Variants in TAPBP observed in about 807,000 individuals in gnomAD.
TAPBP encodes the protein TAP binding protein, also known as tapasin.
TAPBP carries 38 observed loss-of-function variants against 45.7 expected under a neutral mutation model. That is an observed-to-expected ratio of 0.83 (90% confidence interval 0.64 to 1.09). TAPBP has a LOEUF of 1.09. TAPBP is among the 50% of genes least tolerant of loss of function. The pLI is 0.00. For synonymous variants in TAPBP, 226 were observed against 254.8 expected, an observed-to-expected ratio of 0.89 and a Z score of 1.08; for missense variants, 513 against 587.3, an observed-to-expected ratio of 0.87 and a Z score of 1.31.
chr6:33,312,189 C>T (rs1769397598), intron 3 of TAPBP, among the ~76,000 whole-genome samples: 1 of 152,172 alleles, frequency 6.6e-6, no homozygotes, highest in Non-Finnish European at 1.5e-5. Context: ...GAGCTACTGT[C>T]TACACAAGAG....
In TAPBP at chr6:33,304,202, G is replaced by C; in HGVS notation, c.1226C>G (p.Ser409Cys). 1 of 1,613,676 alleles carries C rather than the reference G, an allele frequency of 6.2e-7. No homozygotes were observed. The highest frequency in any genetic ancestry group is 2.2e-5 in the East Asian group (1 of 44,846). Residue 409 changes from serine to cysteine, a missense_variant, in exon 6 of 8, where the codon TCC becomes TGC. Ser to Cys is a moderately radical substitution (Grantham distance 112). Transcript: ENST00000434618. ...GAAAAGGCCTACGCTGTCCTCAAGG[G>C]AGGGCCCTGAAAGACCTGGCAGGCA... is the stretch of plus-strand genomic sequence containing the variant. ...TLEVAGLSGP[S>C]LEDSVGLFLS...
chr6:33,313,048 A>T lies in TAPBP; in HGVS notation c.469+169T>A. ...TTTTTTTTAACTGGGTGAGGGCTAG[A>T]AGGAGCGGTAGAGATTGATTCATTC... is the stretch of plus-strand genomic sequence containing the variant. On this transcript the variant is annotated intron_variant, in intron 3 of 7. Transcript: ENST00000434618. The surrounding 1 kb of genome is among the most constrained non-coding windows in gnomAD (Gnocchi z 7.2). 2 of 642,646 alleles carry T rather than the reference A, an allele frequency of 3.1e-6. No homozygotes were observed. Among genetic ancestry groups the T allele is most frequent in the Middle Eastern group, 2.8e-4 (1 of 3,606 alleles). 39.8% of individuals were successfully genotyped at this position (642,646 alleles called of 1,614,324 possible). A position where few individuals can be genotyped will look rare whatever the true frequency, so the allele number is the denominator to read the frequency against.
In TAPBP at chr6:33,303,940, G is replaced by C; in HGVS notation, c.1335+15C>G. ...AAGTGACAAGGGAAAGATACAGAGA[G>C]GTGGAGCACTGTACCTTCTTTGAAT... On this transcript the variant is annotated intron_variant, in intron 7 of 7. Transcript: ENST00000434618. 1.2e-6 allele frequency: 2 copies of C among 1,613,974 alleles called. No individual in the cohort carries two copies. Among genetic ancestry groups the C allele is most frequent in the Non-Finnish European group, 1.7e-6 (2 of 1,179,960 alleles).
chr6:33,302,676 C>G (rs1439055629), intron 7 of TAPBP, among the ~76,000 whole-genome samples: 1 of 148,416 alleles, frequency 6.7e-6, no homozygotes, highest in Non-Finnish European at 1.5e-5. Flanking sequence ...ACGAAGTTTT[C>G]CTTTTGTCAC....
In TAPBP at chr6:33,313,783, T is replaced by C. The variant is rs1360562842; in HGVS notation, c.119A>G (p.Lys40Arg). 1 of 1,613,786 alleles carries C rather than the reference T, an allele frequency of 6.2e-7. No individual in the cohort carries two copies. Among genetic ancestry groups the C allele is most frequent in the South Asian group, 1.1e-5 (1 of 91,076 alleles). ...GCGCAACAGCAGTGCACCGGGTCTCTTGGCCAGGCCCTTTCCGCTCGCATC... is the reference window on the plus strand; with the variant it reads ...GCGCAACAGCAGTGCACCGGGTCTCCTGGCCAGGCCCTTTCCGCTCGCATC... ...VEDASGKGLAKRPGALLLRQG... is the reference protein window; with the variant it reads ...VEDASGKGLARRPGALLLRQG... Residue 40 changes from lysine to arginine, a missense_variant, in exon 2 of 8, where the codon AAG (lysine) becomes AGG (arginine). Transcript: ENST00000434618. The surrounding 1 kb of genome is among the most constrained non-coding windows in gnomAD (Gnocchi z 7.2).
At chr6:33,306,556 T>C (rs1254921221) in intron 3 of TAPBP, among the ~76,000 whole-genome samples, 1 of 152,232 alleles carries the variant, frequency 6.6e-6, no homozygotes, top group Non-Finnish European at 1.5e-5. Context: ...CTCATCAATG[T>C]ACGTTTAGAC....
rs1029664811 is a variant in TAPBP, at chr6:33,300,291, C to T, written c.*1469G>A. 6.5e-6 allele frequency: 1 copy of T among 153,768 alleles called. No individual in the cohort carries two copies. Among genetic ancestry groups the T allele is most frequent in the African/African-American group, 2.4e-5 (1 of 41,442 alleles). The allele number at this position is 153,768 out of a possible 1,614,324, so 9.5% of individuals were successfully genotyped here. ...TAGAGTACGGGTTCTCCAAATGTAA[C>T]CTCGGCCCTACAGATCTCTGAGACT... On this transcript the variant is annotated 3_prime_UTR_variant, in exon 8 of 8. Transcript: ENST00000434618.
chr6:33,304,627 CTT>C lies in TAPBP; in HGVS notation c.878_879del (p.Lys293SerfsTer81). 6.4e-7 allele frequency: 1 copy of C among 1,573,834 alleles called. No individual in the cohort carries two copies. The highest frequency in any genetic ancestry group is 8.6e-7 in the Non-Finnish European group (1 of 1,164,222). On this transcript the variant is annotated frameshift_variant, in exon 5 of 8. Coordinates refer to ENST00000434618, the MANE Select transcript of TAPBP (RefSeq NM_003190.5). LOFTEE classifies it high-confidence loss of function. ...GCAAGGGTTGCTGGCATCAGGGACA[CTT>C]TGGGGGGTTCTGGGGAAAGAGGACG... ...TLELAVYKPP[K>X]VSLMPATLAR...
chr6:33,307,240 A>G (rs1227414720), intron 3 of TAPBP, among the ~76,000 whole-genome samples: 1 of 152,064 alleles, frequency 6.6e-6, no homozygotes, highest in African/African-American at 2.4e-5. Context: ...GTAAGCTGAA[A>G]TCATGCCACT....
In TAPBP at chr6:33,305,174, A is replaced by C; in HGVS notation, c.683T>G (p.Met228Arg). 6.2e-7 allele frequency: 1 copy of C among 1,614,204 alleles called. No individual in the cohort carries two copies. The highest frequency in any genetic ancestry group is 8.5e-7 in the Non-Finnish European group (1 of 1,180,044). ...CACGGCCCCTTCTTGGGCTGCTGGC[A>C]TCTGGCCATTCAGCCCAGGAGTTGC... The part of the protein sequence containing the change: ...LAATPGLNGQ[M>R]PAAQEGAVAF... Residue 228 changes from methionine to arginine, a missense_variant, in exon 4 of 8, where the codon ATG (methionine) becomes AGG (arginine). Coordinates refer to ENST00000434618, the MANE Select transcript of TAPBP (RefSeq NM_003190.5). This position sits in a 1 kb window ranked among gnomAD's most constrained non-coding sequence, Gnocchi z 4.4.
At chr6:33,312,848 C>T (rs1271344349) in intron 3 of TAPBP, among the ~76,000 whole-genome samples, 1 of 152,034 alleles carries the variant, frequency 6.6e-6, no homozygotes, top group Non-Finnish European at 1.5e-5. Flanking sequence ...AGAGAAAAAA[C>T]GCTCCTGCTT....
rs1474545312 is a variant in TAPBP at position 33,304,286 on chromosome 6, C to T, written c.1210+11G>A. ...TGCTGGCTCAGATTCCGCAGAGCTCCCAGCTCTTACCTGCTACCTCCAGGG... is the reference window on the plus strand; with the variant it reads ...TGCTGGCTCAGATTCCGCAGAGCTCTCAGCTCTTACCTGCTACCTCCAGGG... On this transcript the variant is annotated intron_variant, in intron 5 of 7. Transcript: ENST00000434618. 3.4e-5 allele frequency: 54 copies of T among 1,600,748 alleles called. No individual in the cohort carries two copies. Among genetic ancestry groups the T allele is most frequent in the Non-Finnish European group, 4.4e-5 (52 of 1,171,956 alleles).
In TAPBP at chr6:33,313,084, A is replaced by G. The variant is rs1479863048; in HGVS notation, c.469+133T>C. On this transcript the variant is annotated intron_variant, in intron 3 of 7. Coordinates refer to ENST00000434618, the MANE Select transcript of TAPBP (RefSeq NM_003190.5). This position sits in a 1 kb window ranked among gnomAD's most constrained non-coding sequence, Gnocchi z 7.2. ...GAGATTGATTCATTCTAGCCAAACC[A>G]CCTCTCTTAACAAAAAAAGGAAACT... 1 of 1,023,218 alleles carries G rather than the reference A, an allele frequency of 9.8e-7. No individual in the cohort carries two copies. The allele number at this position is 1,023,218 out of a possible 1,614,324, so 63.4% of individuals were successfully genotyped here.
chr6:33,309,909 A>G (rs1389360571), intron 3 of TAPBP, among the ~76,000 whole-genome samples: 1 of 151,774 alleles, frequency 6.6e-6, no homozygotes, highest in Non-Finnish European at 1.5e-5. Context: ...TTTTTAGTAC[A>G]GACGGGGTTT....
chr6:33,304,832 C>A lies in TAPBP; in HGVS notation c.868+157G>T, dbSNP rs953898795. ...CAAAGCCCCTCAAATTTCCAGGAAA[C>A]TTCTAGCCTCCCATTACCCCTCTAA... On this transcript the variant is annotated intron_variant, in intron 4 of 7. Coordinates refer to ENST00000434618, the MANE Select transcript of TAPBP (RefSeq NM_003190.5). 4.6e-5 allele frequency: 62 copies of A among 1,339,776 alleles called. No homozygotes were observed. In the Admixed American group the frequency reaches 1.4e-3, roughly 30 times the overall value. 83.0% of individuals were successfully genotyped at this position (1,339,776 alleles called of 1,614,324 possible). A position where few individuals can be genotyped will look rare whatever the true frequency, so the allele number is the denominator to read the frequency against.
Position 33,301,400 on chromosome 6 carries a change from C to T in TAPBP, c.*360G>A, listed in dbSNP as rs1768571047. On this transcript the variant is annotated 3_prime_UTR_variant, in exon 8 of 8. Coordinates refer to ENST00000434618, the MANE Select transcript of TAPBP (RefSeq NM_003190.5). ...ACCAGCCTGGCCAACATGGTGAAAC[C>T]CCGTCTCTACTAAAAATACAAAAAT... 1 of 234,332 alleles carries T rather than the reference C, an allele frequency of 4.3e-6. No individual in the cohort carries two copies. The highest frequency in any genetic ancestry group is 2.3e-5 in the African/African-American group (1 of 43,506). The allele number at this position is 234,332 out of a possible 1,614,324, so 14.5% of individuals were successfully genotyped here. A position where few individuals can be genotyped will look rare whatever the true frequency, so the allele number is the denominator to read the frequency against.
intron 7 of TAPBP, 33 bp from the exon 8 acceptor site, chr6:33,301,804 A>AT: frequency 6.2e-7 from 1 of 1,614,092 alleles, no homozygotes; most frequent in Non-Finnish European, 8.5e-7. Flanking sequence ...GGAATTCAGG[A>AT]TATTAAAAGG....
At chr6:33,302,086 A>T (rs949589806) in intron 7 of TAPBP, among the ~76,000 whole-genome samples, 1 of 151,820 alleles carries the variant, frequency 6.6e-6, no homozygotes, top group Non-Finnish European at 1.5e-5. Flanking sequence ...TTTAAAATAA[A>T]CACCTGTGTT....
intron 3 of TAPBP, chr6:33,312,963 C>T (rs1769460468): frequency 2.4e-6 from 1 of 424,872 alleles, no homozygotes; most frequent in Admixed American, 3.9e-5. Context: ...GAAAGTAACC[C>T]CCCTGCCCGG....
Sources: gnomAD v4.1 joint callset for allele counts (sites outside exome capture counted in the v4.1 genomes callset) on GRCh38, gnomAD v4.1.1 for gene constraint, Gnocchi (gnomAD v3.1) non-coding constraint, MANE v1.5 for transcripts, NCBI Gene and HGNC (gene_info 2026-07-23, HGNC 2026-07-21) for gene names.